Variants in SEMA5B observed in about 807,000 individuals in gnomAD.
SEMA5B encodes the protein semaphorin 5B.
A neutral mutation model predicts 135.0 loss-of-function variants in SEMA5B; 66 were observed. The observed-to-expected ratio is 0.49, with a 90% confidence interval of 0.40 to 0.60. SEMA5B has a LOEUF of 0.60. Ranked by LOEUF, SEMA5B falls within the 20% of genes least tolerant of loss-of-function variation. SEMA5B has a pLI of 0.00. For synonymous variants in SEMA5B, 690 were observed against 639.5 expected (o/e 1.08, Z -1.19); for missense variants, 1,501 against 1,566.3 (o/e 0.96, Z 0.70).
At chr3:122,988,004 C>T (rs1427301645) in intron 1 of SEMA5B, among the ~76,000 whole-genome samples, 1 of 152,016 alleles carries the variant, frequency 6.6e-6, no homozygotes, top group Non-Finnish European at 1.5e-5. Context: ...GGAAGGGGGG[C>T]CTCAGAGATG....
At chr3:123,010,446 G>A (rs1311083491) in intron 1 of SEMA5B, among the ~76,000 whole-genome samples, 3 of 152,126 alleles carry the variant, frequency 2.0e-5, no homozygotes, top group Non-Finnish European at 4.4e-5. Flanking sequence ...TTCAGGAAAG[G>A]GAAGTTGTGG....
chr3:123,004,666 G>C (rs987759560), intron 1 of SEMA5B, among the ~76,000 whole-genome samples: 4 of 152,198 alleles, frequency 2.6e-5, no homozygotes, highest in Admixed American at 2.0e-4. Flanking sequence ...TTAAGGTGCA[G>C]ACTGCAAATA....
intron 9 of SEMA5B, 49 bp from the exon 10 acceptor site, chr3:122,923,801 A>G (rs1385906858): frequency 3.7e-6 from 6 of 1,609,738 alleles, no homozygotes; most frequent in Middle Eastern, 1.8e-4. Context: ...AAGACCTGGC[A>G]CCCTCCTCAT....
chr3:122,951,706 C>G (rs929270019), intron 2 of SEMA5B, among the ~76,000 whole-genome samples: 1 of 152,254 alleles, frequency 6.6e-6, no homozygotes, highest in Non-Finnish European at 1.5e-5. Context: ...AGAATCATCC[C>G]CCTGAGGGGG....
At chr3:122,930,654 C>T (rs1938917897) in intron 5 of SEMA5B, among the ~76,000 whole-genome samples, 1 of 152,244 alleles carries the variant, frequency 6.6e-6, no homozygotes. Flanking sequence ...GCCTTGATTC[C>T]ATTGAAGAGG....
intron 1 of SEMA5B, among the ~76,000 whole-genome samples, chr3:123,004,198 A>T (rs1942249798): frequency 6.6e-6 from 1 of 152,266 alleles, no homozygotes; most frequent in Non-Finnish European, 1.5e-5. Context: ...TGCCCTACTC[A>T]GTTATAAGAA....
At chr3:122,963,865 G>C (rs1940700507) in intron 1 of SEMA5B, among the ~76,000 whole-genome samples, 1 of 152,056 alleles carries the variant, frequency 6.6e-6, no homozygotes, top group African/African-American at 2.4e-5. Context: ...TTTTCTTTCT[G>C]GTTCTTTCTC....
intron 1 of SEMA5B, among the ~76,000 whole-genome samples, chr3:123,011,418 C>T (rs1017658086): frequency 3.3e-5 from 5 of 152,182 alleles, no homozygotes; most frequent in East Asian, 1.9e-4. Flanking sequence ...GTGGGGCAGC[C>T]GGGGCTCGTC....
At chr3:122,972,486 C>T (rs1470694379) in intron 1 of SEMA5B, among the ~76,000 whole-genome samples, 1 of 152,106 alleles carries the variant, frequency 6.6e-6, no homozygotes, top group Non-Finnish European at 1.5e-5. Context: ...AAATATGAGT[C>T]AAATAAAATT....
At chr3:123,005,424 C>G (rs1429346747) in intron 1 of SEMA5B, among the ~76,000 whole-genome samples, 1 of 151,982 alleles carries the variant, frequency 6.6e-6, no homozygotes, top group Non-Finnish European at 1.5e-5. Flanking sequence ...TGCAGTGGTG[C>G]GATCATAGCT....
rs1485648549 is a variant in SEMA5B, at chr3:122,944,983, G to T, written c.329-1448C>A. ...ACTGACTCACAGAAGGGCCAGGAGA[G>T]AGAGAGAGATAGAGAGAGAGGCAGA... is the stretch of plus-strand genomic sequence containing the variant. On this transcript the variant is annotated intron_variant, in intron 3 of 22. Coordinates refer to ENST00000357599, the MANE Select transcript of SEMA5B (RefSeq NM_001031702.4). 2.6e-5 allele frequency among the ~76,000 whole-genome samples: 4 copies of T among 152,040 alleles called. No individual in the cohort carries two copies. In the South Asian group the frequency reaches 8.3e-4, roughly 32 times the overall value.
intron 1 of SEMA5B, among the ~76,000 whole-genome samples, chr3:123,019,314 G>C (rs1016810444): frequency 6.6e-6 from 1 of 152,152 alleles, no homozygotes; most frequent in Non-Finnish European, 1.5e-5. Flanking sequence ...ATAATATGTG[G>C]GCCGGGCACA....
At chr3:122,999,603 C>T (rs764903303) in intron 1 of SEMA5B, among the ~76,000 whole-genome samples, 26 of 152,132 alleles carry the variant, frequency 1.7e-4, no homozygotes, top group Admixed American at 2.6e-4. Context: ...CAGCTGTAAC[C>T]ACAAATGAGC....
chr3:122,991,125 G>A (rs10934633), intron 1 of SEMA5B, among the ~76,000 whole-genome samples: 57,433 of 152,032 alleles, frequency 0.38, 12,600 homozygotes, highest in East Asian at 0.68. Flanking sequence ...CACAGATGGA[G>A]GACCCAAACC....
At chr3:123,005,320 C>A (rs1202487256) in intron 1 of SEMA5B, among the ~76,000 whole-genome samples, 1 of 152,140 alleles carries the variant, frequency 6.6e-6, no homozygotes, top group African/African-American at 2.4e-5. Flanking sequence ...TGACTCCCCA[C>A]CCCATCCTGT....
intron 1 of SEMA5B, among the ~76,000 whole-genome samples, chr3:122,979,050 G>T (rs937777299): frequency 2.0e-5 from 3 of 152,166 alleles, no homozygotes; most frequent in Admixed American, 2.0e-4. Context: ...AAGACACAAA[G>T]AATGTCTTGA....
rs898537002 is a variant in SEMA5B at position 122,928,511 on chromosome 3, G to GC, written c.636+5dup. 12 of 1,552,180 alleles carry GC rather than the reference G, an allele frequency of 7.7e-6. No homozygotes were observed. Among genetic ancestry groups the GC allele is most frequent in the Non-Finnish European group, 9.6e-6 (11 of 1,147,226 alleles). On this transcript the variant is annotated splice_donor_region_variant and intron_variant, in intron 7 of 22. Transcript: ENST00000357599. ...CCTTCAGTCTCCTCCACCCTGAGGT[G>GC]CCCACCTGTCTGCTGGTGCACATGG...
At chr3:122,960,942 A>G (rs1343191934) in intron 2 of SEMA5B, among the ~76,000 whole-genome samples, 198 bp downstream of exon 2, 1 of 152,222 alleles carries the variant, frequency 6.6e-6, no homozygotes, top group South Asian at 2.1e-4. Flanking sequence ...TGAACCGTGG[A>G]CTTAAAAAGG....
intron 1 of SEMA5B, among the ~76,000 whole-genome samples, chr3:122,986,057 G>A (rs979317945): frequency 6.6e-6 from 1 of 152,152 alleles, no homozygotes; most frequent in African/African-American, 2.4e-5. Flanking sequence ...GAGATTTAAA[G>A]GTTTCCCTCT....
Sources: allele counts gnomAD v4.1 joint callset (sites outside exome capture counted in the v4.1 genomes callset), GRCh38; gene constraint gnomAD v4.1.1; transcripts MANE v1.5; gene names NCBI Gene and HGNC (gene_info 2026-07-23, HGNC 2026-07-21).